Variants in GATAD2A observed in about 807,000 individuals in gnomAD.
GATAD2A encodes the protein GATA zinc finger domain containing 2A.
In GATAD2A, 12 loss-of-function variants were observed where a neutral mutation model predicts 68.5. The ratio of observed to expected loss-of-function variants is 0.18; its 90% CI spans 0.11 to 0.28. The LOEUF (loss-of-function observed/expected upper bound fraction) is 0.28, where lower values mean the gene tolerates loss of function less well. Among genes scored for constraint, GATAD2A ranks in the 10% least tolerant of loss-of-function variants. The pLI is 1.00. For missense variants in GATAD2A, 755 were observed against 868.5 expected (o/e 0.87, Z 1.64); for synonymous variants, 410 against 375.3 (o/e 1.09, Z -1.07).
chr19:19,403,865 T>C (rs2049969508), upstream of GATAD2A, among the ~76,000 whole-genome samples: 1 of 152,174 alleles, frequency 6.6e-6, no homozygotes, highest in African/African-American at 2.4e-5. Context: ...ACCTTGCGCT[T>C]GGGATCAGGG....
rs992751743 is a variant in GATAD2A, at chr19:19,431,555, G to A, written c.-7+25536G>A. Among the ~76,000 whole-genome samples the A allele has an allele frequency of 3.3e-5, 5 of 151,432 alleles. No individual in the cohort carries two copies. The East Asian group carries it at 7.8e-4, about 24-fold the overall frequency. The stretch of plus-strand genomic sequence containing the variant: ...ATAAAAATATAAAAATTAGCTGGGC[G>A]TGGTGGTGCGTGCCTGTAGTCCCAG... On this transcript the variant is annotated intron_variant, in intron 1 of 11. Coordinates refer to ENST00000683918, the MANE Select transcript of GATAD2A (RefSeq NM_001384528.1).
At chr19:19,431,547 A>G (rs1433224110) in intron 1 of GATAD2A, among the ~76,000 whole-genome samples, 1 of 151,246 alleles carries the variant, frequency 6.6e-6, no homozygotes, top group Non-Finnish European at 1.5e-5. Context: ...TATAAAAATT[A>G]GCTGGGCGTG....
At chr19:19,389,870 C>T (rs2048716822) in intron 1 of GATAD2A, among the ~76,000 whole-genome samples, 1 of 152,126 alleles carries the variant, frequency 6.6e-6, no homozygotes, top group South Asian at 2.1e-4. Flanking sequence ...TCACGTGATC[C>T]TCCCACCTCA....
At chr19:19,386,549 G>T (rs574422204) in intron 1 of GATAD2A, among the ~76,000 whole-genome samples, 46 of 151,444 alleles carry the variant, frequency 3.0e-4, no homozygotes, top group Admixed American at 1.0e-3. Flanking sequence ...ATCTCTCCAG[G>T]CAGGGGACCC....
intron 1 of GATAD2A, among the ~76,000 whole-genome samples, chr19:19,409,411 C>T (rs2050663739): frequency 6.6e-6 from 1 of 152,132 alleles, no homozygotes; most frequent in African/African-American, 2.4e-5. Flanking sequence ...TAACCCTTGT[C>T]TGGTTGGGAA....
At chr19:19,387,144 G>A (rs1332738888) in intron 1 of GATAD2A, among the ~76,000 whole-genome samples, 1 of 151,812 alleles carries the variant, frequency 6.6e-6, no homozygotes, top group African/African-American at 2.4e-5. Flanking sequence ...TTCTATCAGG[G>A]TGTACTTTCT....
At chr19:19,458,194 C>G (rs2057112663) in intron 1 of GATAD2A, among the ~76,000 whole-genome samples, 1 of 152,204 alleles carries the variant, frequency 6.6e-6, no homozygotes, top group South Asian at 2.1e-4. Context: ...TTGAGAAAGC[C>G]TGTAGTTCAG....
intron 1 of GATAD2A, chr19:19,436,254 G>C: frequency 2.7e-6 from 3 of 1,131,858 alleles, no homozygotes; most frequent in Non-Finnish European, 3.7e-6. Context: ...GTGGAAGGAA[G>C]GTTCCACGCA....
intron 2 of GATAD2A, among the ~76,000 whole-genome samples, chr19:19,468,384 G>A (rs1029126185): frequency 6.6e-6 from 1 of 152,182 alleles, no homozygotes; most frequent in Non-Finnish European, 1.5e-5. Flanking sequence ...TTAGCCCAAG[G>A]TTGGGGCAAG....
chr19:19,416,081 C>T (rs532233308), intron 1 of GATAD2A, among the ~76,000 whole-genome samples: 2 of 152,200 alleles, frequency 1.3e-5, no homozygotes, highest in Admixed American at 6.5e-5. Flanking sequence ...ACCTTAGTCT[C>T]CTAAAGCACT....
chr19:19,411,312 G>T (rs2050894226), intron 1 of GATAD2A, among the ~76,000 whole-genome samples: 1 of 152,234 alleles, frequency 6.6e-6, no homozygotes, highest in African/African-American at 2.4e-5. Flanking sequence ...TGGGTTGGTT[G>T]TGCCCCAAGC....
intron 1 of GATAD2A, among the ~76,000 whole-genome samples, chr19:19,441,309 ATAAG>A (rs1453914865): frequency 6.6e-6 from 1 of 152,196 alleles, no homozygotes; most frequent in Non-Finnish European, 1.5e-5. Context: ...GTAGGAGAAA[ATAAG>A]TAAGTAATGT....
chr19:19,396,049 G>T (rs532318318), intron 1 of GATAD2A, among the ~76,000 whole-genome samples: 4 of 152,122 alleles, frequency 2.6e-5, no homozygotes, highest in African/African-American at 9.7e-5. Flanking sequence ...AGCCGGGCAC[G>T]GTGGCTCACA....
intron 1 of GATAD2A, among the ~76,000 whole-genome samples, chr19:19,431,693 C>CA (rs538655876): frequency 0.13 from 12,057 of 90,148 alleles, 653 homozygotes; most frequent in South Asian, 0.18. Flanking sequence ...GACTTGGTCT[C>CA]AAAAAAAAAA....
intron 1 of GATAD2A, among the ~76,000 whole-genome samples, chr19:19,441,167 C>T (rs549847910): frequency 4.0e-5 from 6 of 151,748 alleles, no homozygotes; most frequent in East Asian, 1.9e-4. Context: ...TTCAGCCTCC[C>T]GAGTAGTTGG....
At chr19:19,414,316 A>G (rs1463151337) in intron 1 of GATAD2A, among the ~76,000 whole-genome samples, 1 of 152,132 alleles carries the variant, frequency 6.6e-6, no homozygotes, top group Non-Finnish European at 1.5e-5. Context: ...ACTGGGCACA[A>G]ACAGGAAACT....
chr19:19,447,623 C>T (rs2055883719), intron 1 of GATAD2A, among the ~76,000 whole-genome samples: 1 of 152,190 alleles, frequency 6.6e-6, no homozygotes, highest in African/African-American at 2.4e-5. Context: ...TGTGGGTAGA[C>T]CCACGGGCTG....
intron 8 of GATAD2A, 102 bp downstream of exon 8, chr19:19,498,824 C>T: frequency 1.9e-6 from 2 of 1,049,086 alleles, no homozygotes; most frequent in Non-Finnish European, 2.8e-6. Context: ...GGCAGGGCTG[C>T]CTAGCCAGGA....
At chr19:19,420,345 T>G (rs2052240114) in intron 1 of GATAD2A, among the ~76,000 whole-genome samples, 1 of 139,114 alleles carries the variant, frequency 7.2e-6, no homozygotes, top group African/African-American at 2.7e-5. Context: ...TTTTTTTTTT[T>G]TTTTGATACG....
Sources: allele counts gnomAD v4.1 joint callset (sites outside exome capture counted in the v4.1 genomes callset), GRCh38; gene constraint gnomAD v4.1.1; transcripts MANE v1.5; gene names NCBI Gene and HGNC (gene_info 2026-07-23, HGNC 2026-07-21).